The following BRPF1 variants were observed in gnomAD, a reference collection of about 807,000 sequenced individuals.
The protein encoded by BRPF1 is bromodomain and PHD finger containing 1.
A neutral mutation model predicts 115.0 loss-of-function variants in BRPF1; 15 were observed. That is an observed-to-expected ratio of 0.13 (90% confidence interval 0.09 to 0.20). The LOEUF (loss-of-function observed/expected upper bound fraction) is 0.20, where lower values mean the gene tolerates loss of function less well. Among genes scored for constraint, BRPF1 ranks in the 10% least tolerant of loss-of-function variants. The pLI is 1.00. For synonymous variants in BRPF1, 647 were observed against 619.8 expected, an observed-to-expected ratio of 1.04 and a Z score of -0.65; for missense variants, 1,118 against 1,638.3, an observed-to-expected ratio of 0.68 and a Z score of 5.48.
rs201587774 is a variant in BRPF1, at chr3:9,734,682, A to T, written c.542A>T (p.Tyr181Phe). ...ACTCCCAAGCTGCCAGAGGTGGTCT[A>T]TCGGGAGCTGGAACAGGACACCCCT... ...STTPKLPEVV[Y>F]RELEQDTPDA... is the part of the protein sequence containing the mutation. The change falls in exon 2 of 14, where the codon TAT becomes TTT. Residue 181 changes from tyrosine to phenylalanine, a missense_variant. Coordinates refer to ENST00000383829, the MANE Select transcript of BRPF1 (RefSeq NM_001003694.2). This position sits in a 1 kb window ranked among gnomAD's most constrained non-coding sequence, Gnocchi z 5.7. 4.2e-5 allele frequency: 68 copies of T among 1,614,066 alleles called. No homozygotes were observed. The highest frequency in any genetic ancestry group is 5.4e-5 in the Non-Finnish European group (64 of 1,180,032).
At position 9,734,485 on chromosome 3, in the gene BRPF1, C is replaced by T. The variant is rs776217834; in HGVS notation, c.345C>T (p.Asn115=). 13 of 1,614,116 alleles carry T rather than the reference C, an allele frequency of 8.1e-6. No individual in the cohort carries two copies. The highest frequency in any genetic ancestry group is 9.3e-6 in the Non-Finnish European group (11 of 1,180,022). The change falls in exon 2 of 14, where the codon AAC becomes AAT. Residue 115 remains asparagine, a synonymous_variant. Transcript: ENST00000383829. The surrounding 1 kb of genome is among the most constrained non-coding windows in gnomAD (Gnocchi z 5.7). The stretch of plus-strand genomic sequence containing the variant: ...TCCACCGCATCAGCATCTTTGACAA[C>T]CTGGATGTGGTGTCAGAGGATGAGG... The part of the protein sequence containing the change: ...GRVHRISIFD[N]LDVVSEDEEA...
intron 4 of BRPF1, 66 bp downstream of exon 4, chr3:9,741,007 AACT>A: frequency 6.6e-7 from 1 of 1,519,216 alleles, no homozygotes; most frequent in Non-Finnish European, 8.9e-7. Context: ...CAAAATTTGC[AACT>A]GTAGTTTCCA....
chr3:9,738,442 A>G (rs1359487293), intron 2 of BRPF1, among the ~76,000 whole-genome samples: 2 of 152,242 alleles, frequency 1.3e-5, no homozygotes, highest in Non-Finnish European at 1.5e-5. Flanking sequence ...GTGAACAAAC[A>G]TAGCACCTAG....
At position 9,747,258 on chromosome 3, in the gene BRPF1, G is replaced by A. The variant is rs1400796873; in HGVS notation, c.3572G>A (p.Arg1191His). Residue 1191 changes from arginine to histidine, a missense_variant, in exon 14 of 14, where the codon CGC (arginine) becomes CAC (histidine). By Grantham distance (29) the Arg-to-His change is conservative. Around this residue, in one of 10 missense-constraint regions of BRPF1, gnomAD observed 76 missense variants for 166.1 expected, o/e 0.46. Coordinates refer to ENST00000383829, the MANE Select transcript of BRPF1 (RefSeq NM_001003694.2). The surrounding 1 kb of genome is among the most constrained non-coding windows in gnomAD (Gnocchi z 5.6). ...KMLEGRKSNI[R>H]KSVQIAYHRA... ...CTGGAGGGCCGCAAGTCCAACATCC[G>A]CAAGTCAGTACAGATCGCCTACCAC... is the stretch of plus-strand genomic sequence containing the variant. 6.2e-7 allele frequency: 1 copy of A among 1,614,188 alleles called. No individual in the cohort carries two copies.
chr3:9,743,350 G>GC lies in BRPF1; in HGVS notation c.2311+98dup. 6.8e-7 allele frequency: 1 copy of GC among 1,471,666 alleles called. No homozygotes were observed. The highest frequency in any genetic ancestry group is 9.1e-7 in the Non-Finnish European group (1 of 1,097,466). The allele number at this position is 1,471,666 out of a possible 1,614,324, so 91.2% of individuals were successfully genotyped here. ...TGGGAGCAGGCAGTGTAGGCAGAAA[G>GC]CAGCTAGGCTGAGCAGTGGCAAGCT... On this transcript the variant is annotated intron_variant, in intron 7 of 13. Transcript: ENST00000383829. The surrounding 1 kb of genome is among the most constrained non-coding windows in gnomAD (Gnocchi z 6.1).
At chr3:9,738,368 C>T (rs1033345048) in intron 2 of BRPF1, among the ~76,000 whole-genome samples, 1 of 152,198 alleles carries the variant, frequency 6.6e-6, no homozygotes, top group Non-Finnish European at 1.5e-5. Flanking sequence ...AGCACAATGC[C>T]TGGCTCATAG....
At position 9,742,188 on chromosome 3, in the gene BRPF1, C is replaced by G. The variant is rs756232733; in HGVS notation, c.2001+17C>G. 1.2e-6 allele frequency: 2 copies of G among 1,612,940 alleles called. No homozygotes were observed. The highest frequency in any genetic ancestry group is 2.2e-5 in the South Asian group (2 of 90,910). On this transcript the variant is annotated intron_variant, in intron 6 of 13. Coordinates refer to ENST00000383829, the MANE Select transcript of BRPF1 (RefSeq NM_001003694.2). ...TTGGACGAAGTAAGAATCCCTTCCC[C>G]TCACTCCACCTTCTCTCTGTTCCTC...
chr3:9,734,656 C>T lies in BRPF1; in HGVS notation c.516C>T (p.Thr172=). The change falls in exon 2 of 14, where the codon ACC becomes ACT. Residue 172 remains threonine (T), a synonymous_variant. Transcript: ENST00000383829. The surrounding 1 kb of genome is among the most constrained non-coding windows in gnomAD (Gnocchi z 5.7). ...ACCACCACAATGTTTCTGCGAGCAC[C>T]ACTCCCAAGCTGCCAGAGGTGGTCT... is the stretch of plus-strand genomic sequence containing the variant. The part of the protein sequence containing the change: ...HHHHHNVSAS[T]TPKLPEVVYR... 2.5e-6 allele frequency: 4 copies of T among 1,614,146 alleles called. No individual in the cohort carries two copies. Among genetic ancestry groups the T allele is most frequent in the Non-Finnish European group, 3.4e-6 (4 of 1,180,014 alleles).
chr3:9,736,348 T>C (rs537612376), intron 2 of BRPF1, among the ~76,000 whole-genome samples: 18 of 152,350 alleles, frequency 1.2e-4, no homozygotes, highest in African/African-American at 4.1e-4. Flanking sequence ...ACAAGCAATA[T>C]GGCCTGTAGC....
Position 9,747,077 on chromosome 3 carries a change from C to A in BRPF1, c.3480-89C>A. 1 of 1,456,666 alleles carries A rather than the reference C, an allele frequency of 6.9e-7. No individual in the cohort carries two copies. Among genetic ancestry groups the A allele is most frequent in the Non-Finnish European group, 9.5e-7 (1 of 1,052,076 alleles). 90.2% of individuals were successfully genotyped at this position (1,456,666 alleles called of 1,614,324 possible). A position where few individuals can be genotyped will look rare whatever the true frequency, so the allele number is the denominator to read the frequency against. On this transcript the variant is annotated intron_variant, in intron 13 of 13. Coordinates refer to ENST00000383829, the MANE Select transcript of BRPF1 (RefSeq NM_001003694.2). This position sits in a 1 kb window ranked among gnomAD's most constrained non-coding sequence, Gnocchi z 5.6. ...TCACAGAGTCTGGCCAGAGTGGGTG[C>A]TTGGGTGGTGTGTTTGAGTGAATAG...
In BRPF1 at chr3:9,742,983, T is replaced by G; in HGVS notation, c.2041T>G (p.Phe681Val). Residue 681 changes from phenylalanine (F) to valine (V), a missense_variant, in exon 7 of 14, where the codon TTT (phenylalanine) becomes GTT (valine). Physicochemically the swap from Phe to Val is conservative, Grantham distance 50. Coordinates refer to ENST00000383829, the MANE Select transcript of BRPF1 (RefSeq NM_001003694.2). The part of the protein sequence containing the change: ...YLDHIKKPMD[F>V]FTMKQNLEAY... Reference sequence around the variant, plus strand: ...AGACCACATCAAAAAGCCCATGGACTTTTTCACCATGAAGCAGAACTTGGA... The same window carrying G: ...AGACCACATCAAAAAGCCCATGGACGTTTTCACCATGAAGCAGAACTTGGA... The G allele has an allele frequency of 2.5e-6, 4 of 1,614,198 alleles. No homozygotes were observed. Among genetic ancestry groups the G allele is most frequent in the Non-Finnish European group, 3.4e-6 (4 of 1,180,028 alleles).
At position 9,745,897 on chromosome 3, in the gene BRPF1, C is replaced by T. The variant is rs563874273; in HGVS notation, c.3291C>T (p.Ala1097=). 1 of 1,614,038 alleles carries T rather than the reference C, an allele frequency of 6.2e-7. No individual in the cohort carries two copies. The highest frequency in any genetic ancestry group is 1.7e-5 in the Admixed American group (1 of 60,000). ...TGGATGCTCTGGACCTCGTGTGGGC[C>T]AAATGCCGAGGCTATCCATCATACC... ...SPLDALDLVW[A]KCRGYPSYPA... is the part of the protein sequence containing the mutation. Residue 1097 remains alanine, a synonymous_variant, in exon 12 of 14, where the codon GCC becomes GCT. Coordinates refer to ENST00000383829, the MANE Select transcript of BRPF1 (RefSeq NM_001003694.2). The surrounding 1 kb of genome is among the most constrained non-coding windows in gnomAD (Gnocchi z 5.1).
At chr3:9,735,765 T>C (rs2076929818) in intron 2 of BRPF1, among the ~76,000 whole-genome samples, 1 of 152,192 alleles carries the variant, frequency 6.6e-6, no homozygotes, top group African/African-American at 2.4e-5. Flanking sequence ...GGGGGCAGTG[T>C]GGTGCTGAAA....
At chr3:9,738,437 C>T (rs181495872) in intron 2 of BRPF1, among the ~76,000 whole-genome samples, 2 of 152,358 alleles carry the variant, frequency 1.3e-5, no homozygotes, top group East Asian at 3.9e-4. Context: ...ATCCAGTGAA[C>T]AAACATAGCA....
rs771604681 is a variant in BRPF1, at chr3:9,734,889, G to A, written c.599+150G>A. On this transcript the variant is annotated intron_variant, in intron 2 of 13. Coordinates refer to ENST00000383829, the MANE Select transcript of BRPF1 (RefSeq NM_001003694.2). This position sits in a 1 kb window ranked among gnomAD's most constrained non-coding sequence, Gnocchi z 5.7. Reference sequence around the variant, plus strand: ...GCCAGGGCAGTGAGTGGAATGGTACGCCACTAATGCACTTACTCTACAGTG... The same window carrying A: ...GCCAGGGCAGTGAGTGGAATGGTACACCACTAATGCACTTACTCTACAGTG... The A allele has an allele frequency of 2.8e-5, 25 of 888,376 alleles. No homozygotes were observed. The highest frequency in any genetic ancestry group is 3.5e-4 in the Middle Eastern group (1 of 2,870). The allele number at this position is 888,376 out of a possible 1,614,324, so 55.0% of individuals were successfully genotyped here.
chr3:9,741,990 CGAG>C (rs1559662855), intron 5 of BRPF1, 32 bp from the exon 6 acceptor site: 1 of 1,611,684 alleles, frequency 6.2e-7, no homozygotes, highest in Non-Finnish European at 8.5e-7. Flanking sequence ...CTGAACTGGC[CGAG>C]GCCTGGCTGA....
In BRPF1 at chr3:9,744,482, A is replaced by G. The variant is rs761875806; in HGVS notation, c.2894A>G (p.Asp965Gly). The G allele has an allele frequency of 1.3e-6, 2 of 1,562,694 alleles. No homozygotes were observed. The highest frequency in any genetic ancestry group is 8.7e-7 in the Non-Finnish European group (1 of 1,155,540). Residue 965 changes from aspartate to glycine, a missense_variant, in exon 9 of 14, where the codon GAT becomes GGT. By Grantham distance (94) the Asp-to-Gly change is moderately conservative. This residue lies in a region of BRPF1 where 92 missense variants were observed against 102.2 expected (regional missense o/e 0.90). Coordinates refer to ENST00000383829, the MANE Select transcript of BRPF1 (RefSeq NM_001003694.2). The stretch of plus-strand genomic sequence containing the variant: ...AGTTCGAGCTCAGACAGCGACAGTG[A>G]TAAGTCCACAGAAGACCCCCCAATG... ...RPSSSSDSDS[D>G]KSTEDPPMDL...
intron 1 of BRPF1, chr3:9,733,441 G>A (rs1045797241): frequency 3.3e-5 from 5 of 152,266 alleles, no homozygotes; most frequent in Admixed American, 2.6e-4. Flanking sequence ...AGGTGGATAG[G>A]CTCTGGTACC....
chr3:9,747,640 C>T lies in BRPF1; in HGVS notation c.*291C>T. ...GGGGTGGTGGGCCAAAGTTAGGACA[C>T]TGCGTAAAACAGGCCATCCCACCAC... On this transcript the variant is annotated 3_prime_UTR_variant, in exon 14 of 14. Coordinates refer to ENST00000383829, the MANE Select transcript of BRPF1 (RefSeq NM_001003694.2). This position sits in a 1 kb window ranked among gnomAD's most constrained non-coding sequence, Gnocchi z 5.6. 3.3e-6 allele frequency: 1 copy of T among 300,968 alleles called. No individual in the cohort carries two copies. Among genetic ancestry groups the T allele is most frequent in the East Asian group, 5.3e-5 (1 of 18,786 alleles). 18.6% of individuals were successfully genotyped at this position (300,968 alleles called of 1,614,324 possible). A position where few individuals can be genotyped will look rare whatever the true frequency, so the allele number is the denominator to read the frequency against.
Sources: allele counts gnomAD v4.1 joint callset (sites outside exome capture counted in the v4.1 genomes callset), GRCh38; gene constraint gnomAD v4.1.1; regional missense constraint gnomAD v4.1.1; non-coding constraint Gnocchi (gnomAD v3.1); transcripts MANE v1.5; gene names NCBI Gene and HGNC (gene_info 2026-07-23, HGNC 2026-07-21).